Variants in CFAP70 observed in about 807,000 individuals in gnomAD.
The protein encoded by CFAP70 is cilia and flagella associated protein 70, also known as cilia- and flagella-associated protein 70.
Under a neutral mutation model 137.6 loss-of-function variants are expected in CFAP70, and 81 were observed. The ratio of observed to expected loss-of-function variants is 0.59; its 90% CI spans 0.49 to 0.71. The LOEUF is 0.71. CFAP70 is among the 30% of genes least tolerant of loss of function. The pLI, the probability that CFAP70 is intolerant of heterozygous loss-of-function variation, is 0.00. For missense variants in CFAP70, 976 were observed against 1,226.7 expected (o/e 0.80, Z 3.05); for synonymous variants, 382 against 423.6 (o/e 0.90, Z 1.20).
chr10:73,330,018 A>G (rs2051914039), intron 8 of CFAP70, among the ~76,000 whole-genome samples: 1 of 152,212 alleles, frequency 6.6e-6, no homozygotes. Flanking sequence ...ACAGCGTTTT[A>G]AATGGTTGTA....
rs375709242 is a variant in CFAP70, at chr10:73,297,018, G to A, written c.1644+24C>T. The A allele has an allele frequency of 8.1e-6, 13 of 1,605,732 alleles. No homozygotes were observed. The African/African-American group carries it at 1.2e-4, about 15-fold the overall frequency. On this transcript the variant is annotated intron_variant, in intron 15 of 26. Transcript: ENST00000310715. ...TCTGATGCTCTACAGAGAAAAGAAA[G>A]TGCTCTCAGTTCTTGACACTTACCT...
chr10:73,282,007 G>A (rs374815230), intron 19 of CFAP70, among the ~76,000 whole-genome samples: 2 of 152,162 alleles, frequency 1.3e-5, no homozygotes, highest in African/African-American at 4.8e-5. Flanking sequence ...GGCTGACTGG[G>A]TTCTCCCCCA....
chr10:73,311,821 C>T lies in CFAP70; in HGVS notation c.1164+13G>A, dbSNP rs10159494. The T allele has an allele frequency of 0.083, 133,334 of 1,601,178 alleles. 8,418 individuals carry two copies. The highest frequency in any genetic ancestry group is 0.29 in the East Asian group (12,893 of 44,706). On this transcript the variant is annotated intron_variant, in intron 11 of 26. Transcript: ENST00000310715. Reference sequence around the variant, plus strand: ...AACTTAAACTTAATTTTCCAAACTTCATGCACAATTACCTGTCCTTCAGGA... The same window carrying T: ...AACTTAAACTTAATTTTCCAAACTTTATGCACAATTACCTGTCCTTCAGGA...
At chr10:73,255,486 G>A (rs1228411484) in intron 26 of CFAP70, among the ~76,000 whole-genome samples, 1 of 152,162 alleles carries the variant, frequency 6.6e-6, no homozygotes, top group Non-Finnish European at 1.5e-5. Context: ...ACCGGGAGGT[G>A]GAGGTTGCAG....
At chr10:73,277,360 T>C in exon 21 of CFAP70, 1 of 1,612,460 alleles carries the variant, frequency 6.2e-7, no homozygotes, top group South Asian at 1.1e-5. Context: ...ATTTTGATGC[T>C]TCTGAAAATA....
chr10:73,357,122 C>A lies in CFAP70; in HGVS notation c.-40+1592G>T, dbSNP rs1217217855. 2.6e-5 allele frequency among the ~76,000 whole-genome samples: 4 copies of A among 152,142 alleles called. No homozygotes were observed. The East Asian group carries it at 7.7e-4, about 29-fold the overall frequency. ...GGGTGGAAATTTATTTTTTCTTTTA[C>A]AAATAAAAAGAATGAGAGAAGCAAG... On this transcript the variant is annotated intron_variant, in intron 1 of 26. Coordinates refer to ENST00000310715, the Ensembl canonical transcript of CFAP70.
At chr10:73,260,616 C>A (rs188924307) in intron 25 of CFAP70, among the ~76,000 whole-genome samples, 2 of 152,314 alleles carry the variant, frequency 1.3e-5, no homozygotes, top group Admixed American at 1.3e-4. Flanking sequence ...CCAAAAAGTT[C>A]TTTCATGCCT....
At chr10:73,312,788 T>C (rs2050026016) in intron 9 of CFAP70, 145 bp from the exon 11 acceptor site, 1 of 696,982 alleles carries the variant, frequency 1.4e-6, no homozygotes, top group Admixed American at 3.2e-5. Flanking sequence ...AAGACTTCAT[T>C]GTATTTCCCT....
intron 12 of CFAP70, among the ~76,000 whole-genome samples, chr10:73,308,301 C>T (rs1457905258): frequency 6.6e-6 from 1 of 152,088 alleles, no homozygotes; most frequent in Non-Finnish European, 1.5e-5. Flanking sequence ...TACCGTATGT[C>T]AGGCCACAAA....
intron 9 of CFAP70, among the ~76,000 whole-genome samples, chr10:73,322,691 T>G (rs1042527593): frequency 6.6e-6 from 1 of 152,160 alleles, no homozygotes; most frequent in Non-Finnish European, 1.5e-5. Flanking sequence ...TATTGTTGAG[T>G]AGTATTCCAT....
At chr10:73,321,302 C>T (rs2050828036) in intron 9 of CFAP70, among the ~76,000 whole-genome samples, 1 of 152,038 alleles carries the variant, frequency 6.6e-6, no homozygotes, top group African/African-American at 2.4e-5. Flanking sequence ...CCTGTAATCC[C>T]AGCTACTTGG....
chr10:73,323,535 G>A (rs890512805), intron 8 of CFAP70, among the ~76,000 whole-genome samples: 9 of 152,210 alleles, frequency 5.9e-5, no homozygotes, highest in East Asian at 3.9e-4. Context: ...TGCCTCACTC[G>A]GGAAGCGCAA....
At chr10:73,298,486 A>G (rs1182113047) in intron 14 of CFAP70, among the ~76,000 whole-genome samples, 1 of 152,102 alleles carries the variant, frequency 6.6e-6, no homozygotes, top group African/African-American at 2.4e-5. Flanking sequence ...AAGACATGCT[A>G]CTCTAGTCCT....
chr10:73,341,442 C>G, exon 6 of CFAP70: 1 of 1,614,080 alleles, frequency 6.2e-7, no homozygotes, highest in Non-Finnish European at 8.5e-7. Flanking sequence ...ATAGGGACCA[C>G]CAACAATGAA....
At chr10:73,291,071 G>A (rs185370411) in intron 19 of CFAP70, among the ~76,000 whole-genome samples, 155 bp downstream of exon 20, 110 of 152,272 alleles carry the variant, frequency 7.2e-4, no homozygotes, top group African/African-American at 2.5e-3. Context: ...CTGGAGTGCA[G>A]TGGCATGATC....
intron 9 of CFAP70, among the ~76,000 whole-genome samples, chr10:73,322,566 T>TTA (rs1231217524): frequency 1.9e-5 from 2 of 105,676 alleles, no homozygotes. Flanking sequence ...CCCACATCTC[T>TTA]AAAAAAAAAA....
At chr10:73,283,743 G>A (rs1802532087) in intron 19 of CFAP70, among the ~76,000 whole-genome samples, 1 of 151,948 alleles carries the variant, frequency 6.6e-6, no homozygotes, top group South Asian at 2.1e-4. Flanking sequence ...GATTTTGGGG[G>A]ACAGGTTCTC....
intron 3 of CFAP70, among the ~76,000 whole-genome samples, chr10:73,351,622 G>A (rs1022491330): frequency 2.6e-5 from 4 of 151,980 alleles, no homozygotes; most frequent in African/African-American, 4.8e-5. Flanking sequence ...TAGTAGAGAC[G>A]GGGTTTTGCC....
At chr10:73,302,307 C>T (rs1239641990) in intron 12 of CFAP70, among the ~76,000 whole-genome samples, 3 of 152,110 alleles carry the variant, frequency 2.0e-5, no homozygotes, top group African/African-American at 7.2e-5. Flanking sequence ...AGGAGTAAAG[C>T]CAGGAGAGTA....
Sources: allele counts gnomAD v4.1 joint callset (sites outside exome capture counted in the v4.1 genomes callset), GRCh38; gene constraint gnomAD v4.1.1; transcripts MANE v1.5; gene names NCBI Gene and HGNC (gene_info 2026-07-23, HGNC 2026-07-21).